GLIS3: variants seen among roughly 807,000 people sequenced by gnomAD.
The protein encoded by GLIS3 is GLIS family zinc finger 3.
In GLIS3, 53 loss-of-function variants were observed where a neutral mutation model predicts 78.6. The observed-to-expected ratio is 0.67, with a 90% CI of 0.54 to 0.85. GLIS3 has a LOEUF of 0.85. GLIS3 is among the 40% of genes least tolerant of loss of function. GLIS3 has a pLI of 0.00. For missense variants in GLIS3, 1,703 were observed against 1,231.1 expected (o/e 1.38, Z -5.74); for synonymous variants, 684 against 509.9 (o/e 1.34, Z -4.60).
At chr9:4,084,763 G>C (rs112787686) in intron 4 of GLIS3, among the ~76,000 whole-genome samples, 1,763 of 152,160 alleles carry the variant, frequency 0.012, 44 homozygotes, top group African/African-American at 0.041. Context: ...CAAACTCCTT[G>C]GCTTCCTCCT....
chr9:4,279,924 AGAT>A (rs1010574144), intron 2 of GLIS3, among the ~76,000 whole-genome samples: 7 of 152,086 alleles, frequency 4.6e-5, no homozygotes, highest in African/African-American at 1.7e-4. Context: ...AAGGACAATT[AGAT>A]AATATCATAA....
At chr9:4,085,396 G>A (rs917257012) in intron 4 of GLIS3, among the ~76,000 whole-genome samples, 2 of 151,998 alleles carry the variant, frequency 1.3e-5, no homozygotes, top group Non-Finnish European at 2.9e-5. Context: ...TGTACCAGCA[G>A]AGCTCACCAC....
In GLIS3 at chr9:3,852,628, T is replaced by C. The variant is rs542371248; in HGVS notation, c.2473+3381A>G. 3.7e-4 allele frequency among the ~76,000 whole-genome samples: 57 copies of C among 152,286 alleles called. No homozygotes were observed. In the South Asian group the frequency reaches 0.011, roughly 29 times the overall value. ...TGTCCTTACCCTGAAGAGTAGTAGA[T>C]AAGAACCGCTAGAAATGTTGCCTAC... On this transcript the variant is annotated intron_variant, in intron 9 of 10. Transcript: ENST00000381971.
chr9:4,129,871 T>C (rs1264164688), intron 2 of GLIS3, among the ~76,000 whole-genome samples: 2 of 152,040 alleles, frequency 1.3e-5, no homozygotes, highest in Admixed American at 6.6e-5. Flanking sequence ...ATGTGGAAAA[T>C]AGTGGAACTT....
At chr9:4,358,384 G>A in the GLIS3 span, among the ~76,000 whole-genome samples, 1 of 152,038 alleles carries the variant, frequency 6.6e-6, no homozygotes. Context: ...CAGGTACCAA[G>A]CAATGTCCCA....
At position 4,088,230 on chromosome 9, in the gene GLIS3, C is replaced by T. The variant is rs138113567; in HGVS notation, c.1710+29538G>A. Among the ~76,000 whole-genome samples the T allele has an allele frequency of 1.7e-3, 264 of 152,338 alleles. 2 individuals carry two copies. Among genetic ancestry groups the T allele is most frequent in the Non-Finnish European group, 1.7e-3 (113 of 68,038 alleles). Reference sequence around the variant, plus strand: ...TCCTTCTATCGGGGCACCTGCCACACTTAATTTAATTTACCGACCTGCCTC... The same window carrying T: ...TCCTTCTATCGGGGCACCTGCCACATTTAATTTAATTTACCGACCTGCCTC... On this transcript the variant is annotated intron_variant, in intron 4 of 10. Coordinates refer to ENST00000381971, the MANE Select transcript of GLIS3 (RefSeq NM_001042413.2).
intron 4 of GLIS3, among the ~76,000 whole-genome samples, chr9:4,006,436 A>G (rs919000232): frequency 2.0e-5 from 3 of 152,202 alleles, no homozygotes; most frequent in Non-Finnish European, 2.9e-5. Context: ...CCAGATGATA[A>G]AAACATGCCA....
At chr9:4,279,802 T>G in intron 2 of GLIS3, among the ~76,000 whole-genome samples, 1 of 151,950 alleles carries the variant, frequency 6.6e-6, no homozygotes, top group East Asian at 1.9e-4. Flanking sequence ...TTTACTTAGG[T>G]TTATCCCTGA....
the GLIS3 span, among the ~76,000 whole-genome samples, chr9:4,382,639 T>C: frequency 1.3e-5 from 2 of 152,134 alleles, no homozygotes; most frequent in East Asian, 1.9e-4. Flanking sequence ...CAGAAAAATA[T>C]AGATACCAGG....
At chr9:4,063,462 T>A (rs1211725712) in intron 4 of GLIS3, among the ~76,000 whole-genome samples, 1 of 152,052 alleles carries the variant, frequency 6.6e-6, no homozygotes, top group Non-Finnish European at 1.5e-5. Flanking sequence ...AATCTATTCA[T>A]GTAATTTAGC....
At chr9:4,193,897 G>C (rs371791893) in intron 2 of GLIS3, among the ~76,000 whole-genome samples, 1 of 152,180 alleles carries the variant, frequency 6.6e-6, no homozygotes. Flanking sequence ...CCTGGCTGAC[G>C]AATGAACATT....
At position 3,876,296 on chromosome 9, in the gene GLIS3, A is replaced by G. The variant is rs1378876291; in HGVS notation, c.2297+3131T>C. On this transcript the variant is annotated intron_variant, in intron 8 of 10. Transcript: ENST00000381971. ...TAACAATAAAAAGCTGGAGAACTTC[A>G]TTAGAGTCAAGAAGATGAAAAAGAA... Among the ~76,000 whole-genome samples the G allele has an allele frequency of 7.5e-5, 10 of 132,884 alleles. No homozygotes were observed. In the South Asian group the frequency reaches 2.8e-3, roughly 37 times the overall value. 87.2% of individuals were successfully genotyped at this position (132,884 alleles called of 152,430 possible). A position where few individuals can be genotyped will look rare whatever the true frequency, so the allele number is the denominator to read the frequency against.
At chr9:4,161,566 A>T (rs1175852483) in intron 2 of GLIS3, among the ~76,000 whole-genome samples, 1 of 151,976 alleles carries the variant, frequency 6.6e-6, no homozygotes, top group African/African-American at 2.4e-5. Flanking sequence ...AGAAGCAGAT[A>T]CTTCACTTGC....
chr9:4,187,912 T>C (rs1419429196), intron 2 of GLIS3, among the ~76,000 whole-genome samples: 2 of 152,062 alleles, frequency 1.3e-5, no homozygotes, highest in East Asian at 3.9e-4. Context: ...ACCATGGGGT[T>C]TTCTAGATAT....
At chr9:4,482,587 A>T in the GLIS3 span, among the ~76,000 whole-genome samples, 2 of 152,158 alleles carry the variant, frequency 1.3e-5, no homozygotes, top group Admixed American at 6.5e-5. Context: ...TCAACCATAA[A>T]TGTTTTATGA....
the GLIS3 span, among the ~76,000 whole-genome samples, chr9:4,467,272 T>C: frequency 4.6e-5 from 7 of 152,144 alleles, no homozygotes; most frequent in African/African-American, 1.4e-4. Flanking sequence ...CTGACAGCTT[T>C]GAAGAGAGTG....
At chr9:4,034,692 T>C (rs1463393109) in intron 4 of GLIS3, 1 of 152,192 alleles carries the variant, frequency 6.6e-6, no homozygotes, top group Non-Finnish European at 1.5e-5. Context: ...TCACAGGAAC[T>C]CTCTTTTTTG....
chr9:4,457,609 G>A, the GLIS3 span, among the ~76,000 whole-genome samples: 75 of 151,906 alleles, frequency 4.9e-4, no homozygotes, highest in African/African-American at 1.7e-3. Context: ...GCACTTTGGG[G>A]GACTGAGGCG....
intron 2 of GLIS3, among the ~76,000 whole-genome samples, chr9:4,211,589 G>A (rs12337783): frequency 0.15 from 22,572 of 152,206 alleles, 2,174 homozygotes; most frequent in African/African-American, 0.28. Flanking sequence ...CATGTAAAAT[G>A]GTGAAGCAAC....
Sources: allele counts gnomAD v4.1 joint callset (sites outside exome capture counted in the v4.1 genomes callset), GRCh38; gene constraint gnomAD v4.1.1; transcripts MANE v1.5; gene names NCBI Gene and HGNC (gene_info 2026-07-23, HGNC 2026-07-21).